Variants in CTNND2 observed in about 807,000 individuals in gnomAD.
The protein encoded by CTNND2 is catenin delta 2, also known as catenin delta-2.
Under a neutral mutation model 144.4 loss-of-function variants are expected in CTNND2, and 22 were observed. The observed-to-expected ratio is 0.15, with a 90% CI of 0.11 to 0.22. The LOEUF (loss-of-function observed/expected upper bound fraction) is 0.22. Among genes scored for constraint, CTNND2 ranks in the 10% least tolerant of loss-of-function variants. The pLI, the probability that CTNND2 is intolerant of heterozygous loss-of-function variation, is 1.00. For missense variants in CTNND2, 1,353 were observed against 1,618.8 expected, an observed-to-expected ratio of 0.84 and a Z score of 2.82; for synonymous variants, 751 against 695.6, an observed-to-expected ratio of 1.08 and a Z score of -1.25.
At chr5:11,605,139 T>C (rs1247459976) in intron 2 of CTNND2, among the ~76,000 whole-genome samples, 1 of 152,164 alleles carries the variant, frequency 6.6e-6, no homozygotes, top group East Asian at 1.9e-4. Context: ...TACAAGTTCT[T>C]TGGGGTCAAG....
intron 1 of CTNND2, among the ~76,000 whole-genome samples, chr5:11,832,296 A>AG (rs1233440629): frequency 2.6e-5 from 4 of 152,066 alleles, no homozygotes; most frequent in African/African-American, 9.7e-5. Context: ...AAAATAAGAA[A>AG]GAAAAAAAAA....
intron 21 of CTNND2, 101 bp downstream of exon 21, chr5:10,981,672 G>A (rs1737280346): frequency 8.4e-7 from 1 of 1,188,790 alleles, no homozygotes; most frequent in African/African-American, 1.5e-5. Flanking sequence ...TTCTTTTTCA[G>A]TTCTTTATGT....
At chr5:11,069,472 G>A (rs1428272301) in intron 16 of CTNND2, among the ~76,000 whole-genome samples, 4 of 152,286 alleles carry the variant, frequency 2.6e-5, no homozygotes, top group East Asian at 1.9e-4. Context: ...AATGTTATCC[G>A]TAGGGACAGA....
chr5:11,421,326 C>T (rs930587115), intron 3 of CTNND2, among the ~76,000 whole-genome samples: 2 of 152,156 alleles, frequency 1.3e-5, no homozygotes, highest in African/African-American at 4.8e-5. Flanking sequence ...AGATACCCTA[C>T]ATCTGTGACT....
chr5:11,576,458 T>C (rs1777980396), intron 2 of CTNND2, among the ~76,000 whole-genome samples: 1 of 151,452 alleles, frequency 6.6e-6, no homozygotes, highest in Non-Finnish European at 1.5e-5. Flanking sequence ...AGTACAGTTA[T>C]ATTAGAAGAT....
At chr5:11,446,187 G>A (rs1303665288) in intron 3 of CTNND2, among the ~76,000 whole-genome samples, 1 of 152,200 alleles carries the variant, frequency 6.6e-6, no homozygotes, top group Non-Finnish European at 1.5e-5. Context: ...TGGTCAGGCT[G>A]ATCTCAAACT....
At chr5:11,497,511 C>CA (rs1770069919) in intron 3 of CTNND2, among the ~76,000 whole-genome samples, 1 of 6,224 alleles carries the variant, frequency 1.6e-4, no homozygotes, top group East Asian at 2.5e-3. Context: ...GAATGATGTG[C>CA]GGGGGGGTGG....
intron 9 of CTNND2, among the ~76,000 whole-genome samples, chr5:11,345,048 G>A (rs1754632436): frequency 6.6e-6 from 1 of 151,930 alleles, no homozygotes; most frequent in South Asian, 2.1e-4. Context: ...ACATATTTTT[G>A]TCTTTTAGCA....
intron 1 of CTNND2, among the ~76,000 whole-genome samples, chr5:11,839,018 T>C (rs1396274479): frequency 6.6e-6 from 1 of 152,194 alleles, no homozygotes; most frequent in Non-Finnish European, 1.5e-5. Context: ...TTTATCGAAT[T>C]CAGGCTAGCA....
intron 2 of CTNND2, among the ~76,000 whole-genome samples, chr5:11,672,085 T>C (rs1013448781): frequency 2.0e-5 from 3 of 152,194 alleles, no homozygotes; most frequent in Non-Finnish European, 4.4e-5. Flanking sequence ...CTCCAGACCC[T>C]GTTTGCCTGG....
intron 2 of CTNND2, among the ~76,000 whole-genome samples, chr5:11,721,789 C>T (rs531307369): frequency 1.3e-5 from 2 of 152,358 alleles, no homozygotes; most frequent in South Asian, 4.1e-4. Flanking sequence ...GAATGAGCAT[C>T]TCAGAAGAAC....
intron 2 of CTNND2, among the ~76,000 whole-genome samples, chr5:11,679,121 A>AT (rs1784314512): frequency 6.6e-6 from 1 of 152,008 alleles, no homozygotes; most frequent in Admixed American, 6.6e-5. Context: ...TCCAGGAACC[A>AT]ATCAGTGTGA....
intron 3 of CTNND2, among the ~76,000 whole-genome samples, chr5:11,478,376 C>T (rs879712051): frequency 2.6e-4 from 40 of 152,316 alleles, no homozygotes; most frequent in Non-Finnish European, 2.9e-4. Flanking sequence ...TCCCAAATTG[C>T]TCATGTCCCT....
chr5:11,711,227 T>C (rs1022315324), intron 2 of CTNND2, among the ~76,000 whole-genome samples: 1 of 152,040 alleles, frequency 6.6e-6, no homozygotes, highest in Non-Finnish European at 1.5e-5. Context: ...GGCTAATTTT[T>C]GTATTTTTAG....
chr5:11,290,648 T>C (rs1220425284), intron 9 of CTNND2, among the ~76,000 whole-genome samples: 1 of 152,192 alleles, frequency 6.6e-6, no homozygotes, highest in Non-Finnish European at 1.5e-5. Flanking sequence ...AAAAGAATTA[T>C]ATGAAAAGGT....
chr5:11,430,626 A>G (rs1224337716), intron 3 of CTNND2, among the ~76,000 whole-genome samples: 1 of 152,224 alleles, frequency 6.6e-6, no homozygotes, highest in Non-Finnish European at 1.5e-5. Flanking sequence ...TCAATTTAGT[A>G]AACGTATGAA....
intron 12 of CTNND2, among the ~76,000 whole-genome samples, chr5:11,130,199 C>T (rs988391779): frequency 3.9e-5 from 6 of 152,092 alleles, no homozygotes; most frequent in Non-Finnish European, 8.8e-5. Flanking sequence ...CCTATTGGGG[C>T]TGGCCGCGAA....
chr5:11,339,892 GC>G (rs1431819842), intron 9 of CTNND2, among the ~76,000 whole-genome samples: 1 of 152,168 alleles, frequency 6.6e-6, no homozygotes, highest in African/African-American at 2.4e-5. Flanking sequence ...TCTTATGGTA[GC>G]CCTAATGGGC....
intron 2 of CTNND2, among the ~76,000 whole-genome samples, chr5:11,587,013 A>C (rs181380821): frequency 6.6e-6 from 1 of 152,296 alleles, no homozygotes; most frequent in African/African-American, 2.4e-5. Context: ...ACATAATCAT[A>C]ACATCAATGA....
Sources: gnomAD v4.1 joint callset for allele counts (sites outside exome capture counted in the v4.1 genomes callset) on GRCh38, gnomAD v4.1.1 for gene constraint, MANE v1.5 for transcripts, NCBI Gene and HGNC (gene_info 2026-07-23, HGNC 2026-07-21) for gene names.